Variants in RXRA observed in about 807,000 individuals in gnomAD.
RXRA encodes retinoic acid receptor RXR-alpha.
RXRA carries 5 observed loss-of-function variants against 44.5 expected under a neutral mutation model. The observed-to-expected ratio is 0.11, with a 90% confidence interval of 0.06 to 0.24. The LOEUF (loss-of-function observed/expected upper bound fraction) is 0.24, where lower values mean the gene tolerates loss of function less well. Ranked by LOEUF, RXRA falls within the 10% of genes least tolerant of loss-of-function variation. The pLI is 1.00. For missense variants in RXRA, 412 were observed against 646.5 expected (o/e 0.64, Z 3.93); for synonymous variants, 291 against 271.4 (o/e 1.07, Z -0.71).
rs572323194 is a variant in RXRA, at chr9:134,381,337, C to G, written c.29-20295C>G. On this transcript the variant is annotated intron_variant, in intron 1 of 9. Coordinates refer to ENST00000481739, the MANE Select transcript of RXRA (RefSeq NM_002957.6). ...CCTGTCTGGAGGAGTTGAGCTCAGA[C>G]CTTAGCTAGTGCTGACCGCGCTGGG... Among the ~76,000 whole-genome samples the G allele has an allele frequency of 5.9e-5, 9 of 151,878 alleles. No individual in the cohort carries two copies. In the East Asian group the frequency reaches 1.7e-3, roughly 29 times the overall value.
intron 1 of RXRA, among the ~76,000 whole-genome samples, chr9:134,331,933 C>A (rs534750056): frequency 1.3e-3 from 191 of 152,346 alleles, no homozygotes; most frequent in Non-Finnish European, 2.4e-3. Context: ...CATGCTGGTT[C>A]CCAGGAGCCC....
At chr9:134,401,537 G>C in intron 1 of RXRA, 95 bp from the exon 2 acceptor site, 2 of 1,580,522 alleles carry the variant, frequency 1.3e-6, no homozygotes, top group South Asian at 2.2e-5. Context: ...GGGTCTTCCC[G>C]CAGGTGCGTG....
At chr9:134,330,925 C>T (rs1180176259) in intron 1 of RXRA, among the ~76,000 whole-genome samples, 1 of 152,188 alleles carries the variant, frequency 6.6e-6, no homozygotes, top group African/African-American at 2.4e-5. Flanking sequence ...GGGGCGTTTC[C>T]CCTATCCTGT....
intron 1 of RXRA, among the ~76,000 whole-genome samples, chr9:134,359,720 C>T (rs1830326402): frequency 6.6e-6 from 1 of 152,166 alleles, no homozygotes; most frequent in South Asian, 2.1e-4. Flanking sequence ...CCTGGAGCCA[C>T]GTGTGGCCCT....
intron 3 of RXRA, 57 bp downstream of exon 3, chr9:134,408,356 G>T (rs1183297425): frequency 6.6e-7 from 1 of 1,511,338 alleles, no homozygotes; most frequent in African/African-American, 1.4e-5. Flanking sequence ...GCCATTGCAG[G>T]GTCTGGAGGC....
At chr9:134,352,813 C>T (rs1343090365) in intron 1 of RXRA, among the ~76,000 whole-genome samples, 1 of 152,152 alleles carries the variant, frequency 6.6e-6, no homozygotes, top group African/African-American at 2.4e-5. Flanking sequence ...AGCGGTCTCC[C>T]TTTGGGGACA....
chr9:134,409,648 T>C (rs1831115603), intron 4 of RXRA, among the ~76,000 whole-genome samples: 1 of 152,116 alleles, frequency 6.6e-6, no homozygotes. Flanking sequence ...TGGGTCGGAG[T>C]CCCGGGCCCC....
chr9:134,355,667 C>T (rs1037037737), intron 1 of RXRA, among the ~76,000 whole-genome samples: 1 of 152,104 alleles, frequency 6.6e-6, no homozygotes, highest in Non-Finnish European at 1.5e-5. Flanking sequence ...GACCCAGAGG[C>T]CGGGGAGCTG....
chr9:134,402,849 C>T (rs890128031), intron 2 of RXRA: 5 of 151,908 alleles, frequency 3.3e-5, no homozygotes, highest in African/African-American at 1.2e-4. Flanking sequence ...TGGGTTTCAC[C>T]CTGTGTTCCT....
Position 134,417,073 on chromosome 9 carries a change from C to G in RXRA, c.611-85C>G, listed in dbSNP as rs547800279. 14 of 1,433,444 alleles carry G rather than the reference C, an allele frequency of 9.8e-6. No individual in the cohort carries two copies. The highest frequency in any genetic ancestry group is 2.2e-4 in the Middle Eastern group (1 of 4,546). The allele number at this position is 1,433,444 out of a possible 1,614,324, so 88.8% of individuals were successfully genotyped here. A position where few individuals can be genotyped will look rare whatever the true frequency, so the allele number is the denominator to read the frequency against. Reference sequence around the variant, plus strand: ...GTGTTGTGGGTGAGTTGGCTGGGAGCTGGCACCACCCGGCCAGGACAGCCT... The same window carrying G: ...GTGTTGTGGGTGAGTTGGCTGGGAGGTGGCACCACCCGGCCAGGACAGCCT... On this transcript the variant is annotated intron_variant, in intron 4 of 9. Coordinates refer to ENST00000481739, the MANE Select transcript of RXRA (RefSeq NM_002957.6). This position sits in a 1 kb window ranked among gnomAD's most constrained non-coding sequence, Gnocchi z 6.1.
chr9:134,391,903 G>A (rs1267659383), intron 1 of RXRA, among the ~76,000 whole-genome samples: 1 of 152,218 alleles, frequency 6.6e-6, no homozygotes, highest in Non-Finnish European at 1.5e-5. Flanking sequence ...ACGGGGGCAG[G>A]AGGAGCGGCT....
chr9:134,329,609 G>T (rs1834972055), intron 1 of RXRA, among the ~76,000 whole-genome samples: 1 of 152,062 alleles, frequency 6.6e-6, no homozygotes, highest in Admixed American at 6.5e-5. Flanking sequence ...GAGTCCCTTG[G>T]GGTGTGGGGT....
chr9:134,356,594 T>A (rs781042534), intron 1 of RXRA, among the ~76,000 whole-genome samples: 4 of 152,168 alleles, frequency 2.6e-5, no homozygotes, highest in African/African-American at 4.8e-5. Flanking sequence ...TGCCCAGAAG[T>A]GTGTCTTATC....
intron 1 of RXRA, among the ~76,000 whole-genome samples, chr9:134,374,494 G>C (rs1034798497): frequency 6.6e-6 from 1 of 152,182 alleles, no homozygotes; most frequent in Non-Finnish European, 1.5e-5. Flanking sequence ...CCTGGCTCTC[G>C]GCCCAGGGCC....
chr9:134,396,866 G>A (rs1050420616), intron 1 of RXRA, among the ~76,000 whole-genome samples: 2 of 152,198 alleles, frequency 1.3e-5, no homozygotes, highest in African/African-American at 2.4e-5. Flanking sequence ...ACCCTGCCGC[G>A]ATTGGCCCTG....
chr9:134,341,445 G>A (rs1267829687), intron 1 of RXRA, among the ~76,000 whole-genome samples: 4 of 152,094 alleles, frequency 2.6e-5, no homozygotes, highest in African/African-American at 9.7e-5. Flanking sequence ...GCTGGGGAGG[G>A]GCCTTGCTTC....
At chr9:134,425,814 G>C in intron 6 of RXRA, 1 of 985,088 alleles carries the variant, frequency 1.0e-6, no homozygotes, top group Non-Finnish European at 1.2e-6. Context: ...CCGTGACTCT[G>C]GGGGGGCCCT....
At chr9:134,412,614 G>A (rs1177799399) in intron 4 of RXRA, among the ~76,000 whole-genome samples, 5 of 152,306 alleles carry the variant, frequency 3.3e-5, no homozygotes, top group Admixed American at 1.3e-4. Context: ...CAGCATTCCC[G>A]GGACCAGGGG....
At chr9:134,412,572 G>A (rs1026968285) in intron 4 of RXRA, among the ~76,000 whole-genome samples, 27 of 152,220 alleles carry the variant, frequency 1.8e-4, no homozygotes, top group Admixed American at 7.2e-4. Context: ...GGGCCTGCAC[G>A]CGCAGGCAGC....
Sources: gnomAD v4.1 joint callset for allele counts (sites outside exome capture counted in the v4.1 genomes callset) on GRCh38, gnomAD v4.1.1 for gene constraint, Gnocchi (gnomAD v3.1) non-coding constraint, MANE v1.5 for transcripts, NCBI Gene and HGNC (gene_info 2026-07-23, HGNC 2026-07-21) for gene names.